The following GRIN2B variants were observed in gnomAD, a reference collection of about 807,000 sequenced individuals.
GRIN2B encodes the protein glutamate ionotropic receptor NMDA type subunit 2B.
In GRIN2B, 5 loss-of-function variants were observed where a neutral mutation model predicts 114.5. The observed-to-expected ratio is 0.04, with a 90% CI of 0.02 to 0.09. The LOEUF is 0.09. GRIN2B is among the 10% of genes least tolerant of loss of function. GRIN2B has a pLI of 1.00. For missense variants in GRIN2B, 1,108 were observed against 1,943.5 expected, an observed-to-expected ratio of 0.57 and a Z score of 8.08; for synonymous variants, 787 against 745.1, an observed-to-expected ratio of 1.06 and a Z score of -0.92.
intron 1 of GRIN2B, among the ~76,000 whole-genome samples, 181 bp downstream of exon 1, chr12:13,981,161 C>CAAA (rs60755034): frequency 2.7e-4 from 40 of 147,248 alleles, no homozygotes; most frequent in African/African-American, 9.9e-4. Context: ...CCCTCCCCCA[C>CAAA]AAAAAAAAAA....
intron 2 of GRIN2B, among the ~76,000 whole-genome samples, chr12:13,889,364 C>A (rs1392656240): frequency 6.6e-6 from 1 of 152,154 alleles, no homozygotes. Context: ...ATTTTGCCAT[C>A]TACTGATTAA....
At chr12:13,899,329 A>G (rs891522052) in intron 2 of GRIN2B, among the ~76,000 whole-genome samples, 1 of 152,176 alleles carries the variant, frequency 6.6e-6, no homozygotes, top group African/African-American at 2.4e-5. Flanking sequence ...AAGAAAAAAA[A>G]AAGACTGGGT....
At chr12:13,858,679 A>G (rs1483368311) in intron 3 of GRIN2B, among the ~76,000 whole-genome samples, 2 of 152,196 alleles carry the variant, frequency 1.3e-5, no homozygotes, top group South Asian at 2.1e-4. Flanking sequence ...TTTTTTTAAC[A>G]TATTAACACT....
chr12:13,679,434 C>A (rs963478558), intron 4 of GRIN2B, among the ~76,000 whole-genome samples: 2 of 152,122 alleles, frequency 1.3e-5, no homozygotes, highest in Admixed American at 6.5e-5. Flanking sequence ...CCTGTTCCAG[C>A]GCCTTCTGAT....
intron 11 of GRIN2B, among the ~76,000 whole-genome samples, chr12:13,571,135 A>G (rs941441698): frequency 1.3e-5 from 2 of 152,204 alleles, no homozygotes; most frequent in African/African-American, 2.4e-5. Context: ...GCTGTTAGTC[A>G]TCATACAACA....
chr12:13,635,523 A>G (rs1338299530), intron 5 of GRIN2B, among the ~76,000 whole-genome samples: 2 of 152,120 alleles, frequency 1.3e-5, no homozygotes, highest in South Asian at 4.1e-4. Context: ...AATGAAGACA[A>G]TTTTCTAATT....
intron 10 of GRIN2B, among the ~76,000 whole-genome samples, chr12:13,602,886 A>G (rs1475508312): frequency 6.6e-6 from 1 of 152,226 alleles, no homozygotes; most frequent in Non-Finnish European, 1.5e-5. Flanking sequence ...GCTGCAAAAT[A>G]TATTTCAGGC....
At chr12:13,846,174 C>A (rs1324041570) in intron 3 of GRIN2B, among the ~76,000 whole-genome samples, 2 of 152,162 alleles carry the variant, frequency 1.3e-5, no homozygotes, top group African/African-American at 4.8e-5. Flanking sequence ...AAGATGAGAA[C>A]CAGACCTCTT....
At chr12:13,980,649 A>C (rs1013769520) in intron 1 of GRIN2B, among the ~76,000 whole-genome samples, 17 of 151,564 alleles carry the variant, frequency 1.1e-4, no homozygotes, top group African/African-American at 3.9e-4. Context: ...GTGGGAAGGA[A>C]GGAGGAAGGG....
In GRIN2B at chr12:13,547,981, A is replaced by ATATATATATTTTT; in HGVS notation, c.*14801_*14802insAAAAATATATATA. 7.1e-4 allele frequency: 49 copies of ATATATATATTTTT among 68,576 alleles called. No individual in the cohort carries two copies. Among genetic ancestry groups the ATATATATATTTTT allele is most frequent in the African/African-American group, 2.2e-3 (47 of 21,768 alleles). 4.2% of individuals were successfully genotyped at this position (68,576 alleles called of 1,614,324 possible). ...TGTGTATATATATATATATATATAT[A>ATATATATATTTTT]TTTTTTTTTTTTTTCTGAAAGCTAC... On this transcript the variant is annotated 3_prime_UTR_variant, in exon 14 of 14. Coordinates refer to ENST00000609686, the MANE Select transcript of GRIN2B (RefSeq NM_000834.5).
intron 5 of GRIN2B, among the ~76,000 whole-genome samples, chr12:13,659,515 C>T (rs190262476): frequency 3.3e-5 from 5 of 152,074 alleles, no homozygotes; most frequent in South Asian, 4.2e-4. Context: ...TCATGGCTTC[C>T]GATTGCTTCT....
At chr12:13,923,715 C>T (rs1438611094) in intron 2 of GRIN2B, among the ~76,000 whole-genome samples, 6 of 152,158 alleles carry the variant, frequency 3.9e-5, no homozygotes, top group East Asian at 1.9e-4. Flanking sequence ...GGAGGGATGC[C>T]GCCATCTTTG....
rs1399613438 is a variant in GRIN2B at position 13,927,741 on chromosome 12, C to T, written c.-19+52187G>A. ...GGCTGAGGTGGGAGGATCGCTTGAG[C>T]CCAGGAGTACAAGACCAGCCTGGGC... On this transcript the variant is annotated intron_variant, in intron 2 of 13. Transcript: ENST00000609686. 2.0e-5 allele frequency among the ~76,000 whole-genome samples: 3 copies of T among 151,054 alleles called. No individual in the cohort carries two copies. The East Asian group carries it at 5.9e-4, about 30-fold the overall frequency.
At chr12:13,900,728 T>C (rs1018298808) in intron 2 of GRIN2B, among the ~76,000 whole-genome samples, 4 of 152,166 alleles carry the variant, frequency 2.6e-5, no homozygotes, top group Non-Finnish European at 4.4e-5. Flanking sequence ...CCCTAAACAG[T>C]ATGTTCAGTT....
chr12:13,955,524 G>A (rs1400408994), intron 2 of GRIN2B, among the ~76,000 whole-genome samples: 3 of 152,242 alleles, frequency 2.0e-5, no homozygotes, highest in African/African-American at 4.8e-5. Context: ...ACTTTACTTC[G>A]ATGATTTCAA....
At chr12:13,627,011 T>C (rs1949575619) in intron 5 of GRIN2B, among the ~76,000 whole-genome samples, 1 of 151,858 alleles carries the variant, frequency 6.6e-6, no homozygotes, top group Non-Finnish European at 1.5e-5. Flanking sequence ...CCTCGGGATT[T>C]TTGGTAGGAC....
intron 2 of GRIN2B, among the ~76,000 whole-genome samples, chr12:13,916,735 A>ACAAATGTGTGTGTGTG: frequency 9.8e-6 from 1 of 101,928 alleles, no homozygotes; most frequent in East Asian, 2.9e-4. Context: ...ACACACACAC[A>ACAAATGTGTGTGTGTG]TTTGTGTGTG....
intron 3 of GRIN2B, among the ~76,000 whole-genome samples, chr12:13,802,428 G>A (rs2300271): frequency 0.25 from 38,253 of 152,060 alleles, 5,189 homozygotes; most frequent in South Asian, 0.36. Context: ...GCCACAAGAT[G>A]TTGGTACTAT....
chr12:13,642,420 T>G (rs972779185), intron 5 of GRIN2B, among the ~76,000 whole-genome samples: 7 of 152,142 alleles, frequency 4.6e-5, no homozygotes, highest in Non-Finnish European at 7.4e-5. Context: ...CGTATGATCT[T>G]GGGTGAGTCA....
Sources: gnomAD v4.1 joint callset for allele counts (sites outside exome capture counted in the v4.1 genomes callset) on GRCh38, gnomAD v4.1.1 for gene constraint, MANE v1.5 for transcripts, NCBI Gene and HGNC (gene_info 2026-07-23, HGNC 2026-07-21) for gene names.